Variants in GAN observed in about 807,000 individuals in gnomAD.
The protein encoded by GAN is gigaxonin, also known as epididymis secretory sperm binding protein.
Under a neutral mutation model 71.3 loss-of-function variants are expected in GAN, and 48 were observed. That is an observed-to-expected ratio of 0.67 (90% CI 0.53 to 0.86). GAN has a LOEUF of 0.86. Among genes scored for constraint, GAN ranks in the 40% least tolerant of loss-of-function variants. The probability of loss-of-function intolerance (pLI) is 0.00; values close to 1 mark genes in which losing one functional copy is unlikely to be tolerated. For synonymous variants in GAN, 386 were observed against 276.8 expected, an observed-to-expected ratio of 1.39 and a Z score of -3.92; for missense variants, 928 against 770.1, an observed-to-expected ratio of 1.21 and a Z score of -2.43.
At chr16:81,318,940 C>G (rs1909134421) in intron 1 of GAN, among the ~76,000 whole-genome samples, 1 of 151,684 alleles carries the variant, frequency 6.6e-6, no homozygotes. Context: ...CCTTTCCCAG[C>G]ATGCTCCTTT....
rs1452254368 is a variant in GAN at position 81,386,797 on chromosome 16, T to C, written c.*9201T>C. ...CCCCGTCTCTATTAAAAATACAAAA[T>C]TAGCCGGGCATGGTGGCACATGTCT... On this transcript the variant is annotated 3_prime_UTR_variant, in exon 11 of 11. Coordinates refer to ENST00000648994, the MANE Select transcript of GAN (RefSeq NM_022041.4). 1 of 152,150 alleles carries C rather than the reference T, an allele frequency of 6.6e-6. No individual in the cohort carries two copies. The highest frequency in any genetic ancestry group is 1.9e-4 in the East Asian group (1 of 5,190). 9.4% of individuals were successfully genotyped at this position (152,150 alleles called of 1,614,324 possible). A position where few individuals can be genotyped will look rare whatever the true frequency, so the allele number is the denominator to read the frequency against.
At chr16:81,315,764 C>T (rs1396027096) in intron 1 of GAN, among the ~76,000 whole-genome samples, 1 of 152,248 alleles carries the variant, frequency 6.6e-6, no homozygotes, top group African/African-American at 2.4e-5. Context: ...GGGGGCTGGG[C>T]CGGCGCCGCC....
chr16:81,324,940 A>AGT, intron 1 of GAN, among the ~76,000 whole-genome samples: 2 of 152,306 alleles, frequency 1.3e-5, no homozygotes, highest in South Asian at 4.1e-4. Context: ...CAGGTTTGGC[A>AGT]GTGGAGGCGG....
chr16:81,364,701 A>T (rs770024752), intron 7 of GAN, among the ~76,000 whole-genome samples: 1 of 152,182 alleles, frequency 6.6e-6, no homozygotes, highest in Non-Finnish European at 1.5e-5. Flanking sequence ...ATAAATAAAT[A>T]AATAAAAATG....
chr16:81,369,631 GC>G (rs1910971886), intron 9 of GAN, among the ~76,000 whole-genome samples: 1 of 152,022 alleles, frequency 6.6e-6, no homozygotes, highest in Non-Finnish European at 1.5e-5. Context: ...TCACTCTGTT[GC>G]CCAGGCTGGA....
chr16:81,370,714 CT>C (rs1373660240), intron 9 of GAN, among the ~76,000 whole-genome samples: 2 of 152,274 alleles, frequency 1.3e-5, no homozygotes, highest in Non-Finnish European at 2.9e-5. Context: ...CCTTTGGCCC[CT>C]GGCCTTGCCA....
intron 2 of GAN, among the ~76,000 whole-genome samples, chr16:81,354,125 A>T (rs1226726273): frequency 6.6e-6 from 1 of 152,204 alleles, no homozygotes; most frequent in African/African-American, 2.4e-5. Flanking sequence ...GAAGTGAACA[A>T]CATGGACAGT....
At chr16:81,349,141 C>T (rs1399503422) in intron 1 of GAN, among the ~76,000 whole-genome samples, 1 of 152,140 alleles carries the variant, frequency 6.6e-6, no homozygotes, top group Non-Finnish European at 1.5e-5. Flanking sequence ...TCAACTATTT[C>T]CTAAGACTTT....
At chr16:81,364,086 G>A in intron 7 of GAN, 143 bp downstream of exon 7, 1 of 750,804 alleles carries the variant, frequency 1.3e-6, no homozygotes, top group South Asian at 1.5e-5. Flanking sequence ...TCGGTAGTTT[G>A]CCTTCACTGT....
intron 1 of GAN, among the ~76,000 whole-genome samples, chr16:81,324,479 G>T (rs780349775): frequency 6.6e-6 from 1 of 152,124 alleles, no homozygotes; most frequent in Non-Finnish European, 1.5e-5. Flanking sequence ...GATCAGGGGT[G>T]GCACCAGGAC....
At chr16:81,348,167 T>C (rs1187074974) in intron 1 of GAN, among the ~76,000 whole-genome samples, 1 of 152,186 alleles carries the variant, frequency 6.6e-6, no homozygotes, top group African/African-American at 2.4e-5. Context: ...CTTTGTCTCT[T>C]TGTTCTCTTT....
In GAN at chr16:81,361,067, A is replaced by G. The variant is rs1426212030; in HGVS notation, c.974-1432A>G. Among the ~76,000 whole-genome samples, 3 of 152,192 alleles carry G rather than the reference A, an allele frequency of 2.0e-5. No individual in the cohort carries two copies. In the East Asian group the frequency reaches 5.8e-4, roughly 29 times the overall value. On this transcript the variant is annotated intron_variant, in intron 5 of 10. Coordinates refer to ENST00000648994, the MANE Select transcript of GAN (RefSeq NM_022041.4). ...GTGAAACCCCATCTCTACTAAAAGT[A>G]CAAAAAGTAGCTGGGTATGTGGTGG...
intron 9 of GAN, among the ~76,000 whole-genome samples, chr16:81,374,207 C>A (rs936023656): frequency 6.6e-6 from 1 of 152,228 alleles, no homozygotes; most frequent in East Asian, 1.9e-4. Context: ...ACACACTTCT[C>A]TGCATCATAT....
intron 1 of GAN, among the ~76,000 whole-genome samples, chr16:81,330,872 G>A (rs750145331): frequency 2.6e-5 from 4 of 152,128 alleles, no homozygotes; most frequent in South Asian, 2.1e-4. Context: ...CGATATTTCC[G>A]TAGTGTATCT....
At position 81,353,714 on chromosome 16, in the gene GAN, C is replaced by T. The variant is rs77876768; in HGVS notation, c.283-691C>T. Among the ~76,000 whole-genome samples, 9 of 151,654 alleles carry T rather than the reference C, an allele frequency of 5.9e-5. No individual in the cohort carries two copies. The East Asian group carries it at 1.7e-3, about 29-fold the overall frequency. On this transcript the variant is annotated intron_variant, in intron 2 of 10. Coordinates refer to ENST00000648994, the MANE Select transcript of GAN (RefSeq NM_022041.4). Reference sequence around the variant, plus strand: ...CTGTTTCTTTCCTGATGCTTTGGAGCACTGTGAAGTCAGTGGAGGAAGAAG... The same window carrying T: ...CTGTTTCTTTCCTGATGCTTTGGAGTACTGTGAAGTCAGTGGAGGAAGAAG...
At chr16:81,360,410 G>C (rs764703097) in intron 5 of GAN, among the ~76,000 whole-genome samples, 1 of 152,108 alleles carries the variant, frequency 6.6e-6, no homozygotes, top group Non-Finnish European at 1.5e-5. Context: ...CCATTGTTGT[G>C]AAGTCAGTGG....
At chr16:81,367,206 C>A (rs1910887748) in intron 9 of GAN, among the ~76,000 whole-genome samples, 1 of 152,116 alleles carries the variant, frequency 6.6e-6, no homozygotes, top group South Asian at 2.1e-4. Flanking sequence ...AAACGTAAGA[C>A]TGTGGTTCCT....
intron 1 of GAN, among the ~76,000 whole-genome samples, chr16:81,325,281 A>G (rs577431651): frequency 2.0e-5 from 3 of 152,374 alleles, no homozygotes; most frequent in East Asian, 3.9e-4. Flanking sequence ...TGCGAGGGGA[A>G]GAACTACTTG....
Position 81,362,487 on chromosome 16 carries a change from T to G in GAN, c.974-12T>G, listed in dbSNP as rs780528778. On this transcript the variant is annotated splice_polypyrimidine_tract_variant and intron_variant, in intron 5 of 10. Coordinates refer to ENST00000648994, the MANE Select transcript of GAN (RefSeq NM_022041.4). ...TCACATTTCATATTTGTGTTTCCTT[T>G]GATCTTTGCAGAAGGATTTTTGTTT... 3 of 1,409,556 alleles carry G rather than the reference T, an allele frequency of 2.1e-6. No individual in the cohort carries two copies. The South Asian group carries it at 3.5e-5, about 16-fold the overall frequency. 87.3% of individuals were successfully genotyped at this position (1,409,556 alleles called of 1,614,324 possible). A position where few individuals can be genotyped will look rare whatever the true frequency, so the allele number is the denominator to read the frequency against.
Sources: gnomAD v4.1 joint callset for allele counts (sites outside exome capture counted in the v4.1 genomes callset) on GRCh38, gnomAD v4.1.1 for gene constraint, MANE v1.5 for transcripts, NCBI Gene and HGNC (gene_info 2026-07-23, HGNC 2026-07-21) for gene names.